LCK: variants seen among roughly 807,000 people sequenced by gnomAD.
LCK encodes tyrosine-protein kinase Lck.
A neutral mutation model predicts 64.6 loss-of-function variants in LCK; 14 were observed. The observed-to-expected ratio is 0.22, with a 90% confidence interval of 0.14 to 0.34. The LOEUF (loss-of-function observed/expected upper bound fraction) is 0.34. Ranked by LOEUF, LCK falls within the 10% of genes least tolerant of loss-of-function variation. LCK has a pLI of 1.00. For missense variants in LCK, 434 were observed against 668.1 expected (o/e 0.65, Z 3.86); for synonymous variants, 277 against 263.6 (o/e 1.05, Z -0.49).
chr1:32,261,065 T>C lies in LCK; in HGVS notation c.-6+9694T>C, dbSNP rs571018486. Among the ~76,000 whole-genome samples the C allele has an allele frequency of 1.1e-3, 170 of 152,030 alleles. No individual in the cohort carries two copies. The Middle Eastern group carries it at 0.02, about 18-fold the overall frequency. On this transcript the variant is annotated intron_variant, in intron 1 of 12. Transcript: ENST00000336890. Reference sequence around the variant, plus strand: ...AACTTAAAAATTTTTTTTAATTTAATTTAATTAATTTTTTCTTTTTTTGAG... The same window carrying C: ...AACTTAAAAATTTTTTTTAATTTAACTTAATTAATTTTTTCTTTTTTTGAG...
rs6696107 is a variant in LCK, at chr1:32,277,384, A to G, written c.964+598A>G. Among the ~76,000 whole-genome samples the G allele has an allele frequency of 6.5e-3, 993 of 152,020 alleles. 8 individuals are homozygous for G. The highest frequency in any genetic ancestry group is 0.023 in the African/African-American group (939 of 41,490). On this transcript the variant is annotated intron_variant, in intron 9 of 12. Coordinates refer to ENST00000336890, the MANE Select transcript of LCK (RefSeq NM_005356.5). ...TTGCCTTCTTCAAAGCCCTACCTTGATCTCAGGATGCTTGATCTCAGAAAG... is the reference window on the plus strand; with the variant it reads ...TTGCCTTCTTCAAAGCCCTACCTTGGTCTCAGGATGCTTGATCTCAGAAAG...
In LCK at chr1:32,275,241, T is replaced by C. The variant is rs567952276; in HGVS notation, c.279-80T>C. The C allele has an allele frequency of 2.2e-5, 34 of 1,527,966 alleles. No individual in the cohort carries two copies. Among genetic ancestry groups the C allele is most frequent in the Admixed American group, 3.4e-5 (2 of 59,110 alleles). 94.7% of individuals were successfully genotyped at this position (1,527,966 alleles called of 1,614,324 possible). On this transcript the variant is annotated intron_variant, in intron 4 of 12. Coordinates refer to ENST00000336890, the MANE Select transcript of LCK (RefSeq NM_005356.5). This position sits in a 1 kb window ranked among gnomAD's most constrained non-coding sequence, Gnocchi z 6.9. The stretch of plus-strand genomic sequence containing the variant: ...TGAGCCAGGGTTGGGGGAGGCTGGC[T>C]TAAGGGGTGGAGGGGTCTTTGAGGG...
intron 12 of LCK, among the ~76,000 whole-genome samples, chr1:32,281,227 A>G (rs1464459817): frequency 6.6e-6 from 1 of 151,584 alleles, no homozygotes; most frequent in Non-Finnish European, 1.5e-5. Flanking sequence ...GCAATAGACC[A>G]AGACCCTGTC....
At chr1:32,260,046 T>A (rs1639729144) in intron 1 of LCK, among the ~76,000 whole-genome samples, 1 of 151,924 alleles carries the variant, frequency 6.6e-6, no homozygotes, top group Admixed American at 6.6e-5. Context: ...ATTTTTATTT[T>A]ATTTTATTTT....
chr1:32,258,572 A>C (rs1639685560), intron 1 of LCK, among the ~76,000 whole-genome samples: 1 of 151,874 alleles, frequency 6.6e-6, no homozygotes, highest in Non-Finnish European at 1.5e-5. Context: ...ACAACATCAG[A>C]AGTTCGAGAC....
intron 12 of LCK, among the ~76,000 whole-genome samples, chr1:32,281,217 G>A (rs1268186521): frequency 6.8e-6 from 1 of 147,886 alleles, no homozygotes; most frequent in Non-Finnish European, 1.5e-5. Flanking sequence ...CCAGCCTAGG[G>A]CAATAGACCA....
At position 32,276,799 on chromosome 1, in the gene LCK, C is replaced by A; in HGVS notation, c.964+13C>A. On this transcript the variant is annotated intron_variant, in intron 9 of 12. Coordinates refer to ENST00000336890, the MANE Select transcript of LCK (RefSeq NM_005356.5). The surrounding 1 kb of genome is among the most constrained non-coding windows in gnomAD (Gnocchi z 4.6). ...TACATGGAGAATGGTGGGTGCTACC[C>A]GAGTCGGCTACCAGGGGATACTGCT... 1.9e-6 allele frequency: 3 copies of A among 1,578,328 alleles called. No homozygotes were observed. Among genetic ancestry groups the A allele is most frequent in the Admixed American group, 1.7e-5 (1 of 57,738 alleles).
intron 1 of LCK, among the ~76,000 whole-genome samples, chr1:32,253,794 CTG>C (rs1366467979): frequency 1.3e-5 from 2 of 152,102 alleles, no homozygotes; most frequent in Non-Finnish European, 2.9e-5. Context: ...AGGCTGGACT[CTG>C]AGCGGGGCCA....
At chr1:32,265,843 T>G (rs190293594) in intron 1 of LCK, among the ~76,000 whole-genome samples, 72 of 152,250 alleles carry the variant, frequency 4.7e-4, no homozygotes, top group Admixed American at 2.6e-3. Flanking sequence ...TTCCTCTTCT[T>G]TTTTTCCTTT....
At position 32,274,099 on chromosome 1, in the gene LCK, C is replaced by T. The variant is rs185050641; in HGVS notation, c.-5-226C>T. On this transcript the variant is annotated intron_variant, in intron 1 of 12. Coordinates refer to ENST00000336890, the MANE Select transcript of LCK (RefSeq NM_005356.5). ...CCCAGGTGGGAGGGTGGGGCTAGGGCTCAGGGGCCGTGTGTGAATTTACTT... is the reference window on the plus strand; with the variant it reads ...CCCAGGTGGGAGGGTGGGGCTAGGGTTCAGGGGCCGTGTGTGAATTTACTT... 20 of 921,354 alleles carry T rather than the reference C, an allele frequency of 2.2e-5. No homozygotes were observed. In the African/African-American group the frequency reaches 3.3e-4, roughly 15 times the overall value. 57.1% of individuals were successfully genotyped at this position (921,354 alleles called of 1,614,324 possible). A position where few individuals can be genotyped will look rare whatever the true frequency, so the allele number is the denominator to read the frequency against.
intron 1 of LCK, among the ~76,000 whole-genome samples, chr1:32,257,569 A>T (rs1639660672): frequency 6.6e-6 from 1 of 152,012 alleles, no homozygotes; most frequent in African/African-American, 2.4e-5. Context: ...TCTGCCAGCA[A>T]GTGATTGGGA....
At chr1:32,279,335 A>G (rs1461672933) in intron 9 of LCK, among the ~76,000 whole-genome samples, 1 of 152,116 alleles carries the variant, frequency 6.6e-6, no homozygotes. Context: ...CAAAATTGCT[A>G]AACTGTTTGA....
chr1:32,267,661 C>T (rs1394445153), intron 1 of LCK, among the ~76,000 whole-genome samples: 2 of 151,838 alleles, frequency 1.3e-5, no homozygotes, highest in African/African-American at 4.8e-5. Flanking sequence ...TTTGAGAGGC[C>T]GAGGCGGGCA....
At chr1:32,282,127 GCCCTGGGCTTGC>G (rs1362571448) in intron 12 of LCK, among the ~76,000 whole-genome samples, 5 of 152,190 alleles carry the variant, frequency 3.3e-5, no homozygotes, top group African/African-American at 1.2e-4. Flanking sequence ...GGGCTTCCCT[GCCCTGGGCTTGC>G]CCCAAACCAG....
chr1:32,280,313 TCTC>T, intron 12 of LCK, 103 bp downstream of exon 12: 1 of 1,444,228 alleles, frequency 6.9e-7, no homozygotes, highest in African/African-American at 1.4e-5. Context: ...TGTAGCTGCA[TCTC>T]CTCTATCTTC....
At position 32,275,230 on chromosome 1, in the gene LCK, G is replaced by A; in HGVS notation, c.279-91G>A. On this transcript the variant is annotated intron_variant, in intron 4 of 12. Transcript: ENST00000336890. This position sits in a 1 kb window ranked among gnomAD's most constrained non-coding sequence, Gnocchi z 6.9. ...CTCAGTATTGCTGAGCCAGGGTTGG[G>A]GGAGGCTGGCTTAAGGGGTGGAGGG... is the stretch of plus-strand genomic sequence containing the variant. The A allele has an allele frequency of 6.7e-7, 1 of 1,496,608 alleles. No individual in the cohort carries two copies. Among genetic ancestry groups the A allele is most frequent in the Non-Finnish European group, 9.3e-7 (1 of 1,076,240 alleles). 92.7% of individuals were successfully genotyped at this position (1,496,608 alleles called of 1,614,324 possible). A position where few individuals can be genotyped will look rare whatever the true frequency, so the allele number is the denominator to read the frequency against.
At chr1:32,259,584 C>T (rs1369938923) in intron 1 of LCK, among the ~76,000 whole-genome samples, 1 of 151,400 alleles carries the variant, frequency 6.6e-6, no homozygotes, top group Non-Finnish European at 1.5e-5. Context: ...TGCACCACTG[C>T]ACTCCAGCCT....
chr1:32,280,950 T>C (rs562278129), intron 12 of LCK, among the ~76,000 whole-genome samples: 1 of 152,304 alleles, frequency 6.6e-6, no homozygotes, highest in Admixed American at 6.5e-5. Context: ...ATACTAAAAA[T>C]AAGAGACTAG....
In LCK at chr1:32,262,432, T is replaced by TC. The variant is rs930405147; in HGVS notation, c.-6+11061_-6+11062insC. Among the ~76,000 whole-genome samples the TC allele has an allele frequency of 3.0e-3, 452 of 149,368 alleles. 3 individuals are homozygous for TC. Among genetic ancestry groups the TC allele is most frequent in the Non-Finnish European group, 4.0e-3 (269 of 67,060 alleles). On this transcript the variant is annotated intron_variant, in intron 1 of 12. Transcript: ENST00000336890. ...AGGAGAATCTCTTTTTCTTTTCTTTTTTTTTTTTTTGATGGAGTCTAGTTC... is the reference window on the plus strand; with the variant it reads ...AGGAGAATCTCTTTTTCTTTTCTTTTCTTTTTTTTTTGATGGAGTCTAGTTC...
Sources: gnomAD v4.1 joint callset for allele counts (sites outside exome capture counted in the v4.1 genomes callset) on GRCh38, gnomAD v4.1.1 for gene constraint, Gnocchi (gnomAD v3.1) non-coding constraint, MANE v1.5 for transcripts, NCBI Gene and HGNC (gene_info 2026-07-23, HGNC 2026-07-21) for gene names.